ANKZF1: variants seen among roughly 807,000 people sequenced by gnomAD.
ANKZF1 encodes the protein tRNA endonuclease ANKZF1.
ANKZF1 carries 84 observed loss-of-function variants against 86.0 expected under a neutral mutation model. That is an observed-to-expected ratio of 0.98 (90% CI 0.82 to 1.17). The LOEUF is 1.17. Ranked by LOEUF, ANKZF1 falls within the 50% of genes most tolerant of loss-of-function variation. The probability of loss-of-function intolerance (pLI) is 0.00; values close to 1 mark genes in which losing one functional copy is unlikely to be tolerated. For synonymous variants in ANKZF1, 331 were observed against 354.2 expected (o/e 0.93, Z 0.74); for missense variants, 893 against 918.4 (o/e 0.97, Z 0.36).
chr2:219,234,357 C>T, intron 9 of ANKZF1, 69 bp downstream of exon 9: 2 of 1,589,142 alleles, frequency 1.3e-6, no homozygotes, highest in African/African-American at 1.3e-5. Flanking sequence ...AAATTCCCTA[C>T]TCTCATAACT....
rs900918797 is a variant in ANKZF1 at position 219,233,248 on chromosome 2, C to T, written c.672-38C>T. ...AGTGGATCCTGTTAGCCAGGGAGCACCAGCTGGTCTCCAGTACTGAGTCTG... is the reference window on the plus strand; with the variant it reads ...AGTGGATCCTGTTAGCCAGGGAGCATCAGCTGGTCTCCAGTACTGAGTCTG... On this transcript the variant is annotated intron_variant, in intron 6 of 13. Transcript: ENST00000323348. 1.9e-6 allele frequency: 3 copies of T among 1,614,180 alleles called. No homozygotes were observed. In the Admixed American group the frequency reaches 5.0e-5, roughly 27 times the overall value.
At position 219,233,816 on chromosome 2, in the gene ANKZF1, T is replaced by G; in HGVS notation, c.921T>G (p.Phe307Leu). The change falls in exon 8 of 14, where the codon TTT becomes TTG. Residue 307 changes from phenylalanine to leucine, a missense_variant. Transcript: ENST00000323348. ...RAPRSGRSLF[F>L]GGKGAPLQRG... ...CCCGCTCTGGCCGGTCTTTGTTCTTTGGAGGCAAGGGAGCACCCCTGCAAA... is the reference window on the plus strand; with the variant it reads ...CCCGCTCTGGCCGGTCTTTGTTCTTGGGAGGCAAGGGAGCACCCCTGCAAA... The G allele has an allele frequency of 6.2e-7, 1 of 1,614,170 alleles. No individual in the cohort carries two copies. Among genetic ancestry groups the G allele is most frequent in the Non-Finnish European group, 8.5e-7 (1 of 1,180,028 alleles).
intron 13 of ANKZF1, 69 bp downstream of exon 13, chr2:219,236,164 G>A: frequency 1.2e-6 from 2 of 1,602,166 alleles, no homozygotes; most frequent in Non-Finnish European, 1.7e-6. Flanking sequence ...CAAGAGAAAT[G>A]AGTACCTGCA....
chr2:219,233,037 T>C lies in ANKZF1; in HGVS notation c.559-42T>C, dbSNP rs1053609482. The C allele has an allele frequency of 4.5e-6, 7 of 1,568,098 alleles. No homozygotes were observed. In the Middle Eastern group the frequency reaches 6.4e-4, roughly 144 times the overall value. On this transcript the variant is annotated intron_variant, in intron 5 of 13. Coordinates refer to ENST00000323348, the MANE Select transcript of ANKZF1 (RefSeq NM_018089.3). ...TTGGCCCTTAGTTTCTTGCTCTCAG[T>C]GAATGCAACAGATATGTTTCTGATG... is the stretch of plus-strand genomic sequence containing the variant.
At chr2:219,233,660 G>A in intron 7 of ANKZF1, 55 bp from the exon 8 acceptor site, 15 of 1,535,542 alleles carry the variant, frequency 9.8e-6, no homozygotes, top group Non-Finnish European at 1.2e-5. Context: ...TTTTTAGTTG[G>A]AGATTTATAA....
rs745849871 is a variant in ANKZF1 at position 219,233,061 on chromosome 2, T to G, written c.559-18T>G. On this transcript the variant is annotated intron_variant, in intron 5 of 13. Coordinates refer to ENST00000323348, the MANE Select transcript of ANKZF1 (RefSeq NM_018089.3). ...GTGAATGCAACAGATATGTTTCTGATGCTTCTCTGTCATCAAGGATCCCCC... is the reference window on the plus strand; with the variant it reads ...GTGAATGCAACAGATATGTTTCTGAGGCTTCTCTGTCATCAAGGATCCCCC... 1.2e-6 allele frequency: 2 copies of G among 1,606,696 alleles called. No homozygotes were observed. Among genetic ancestry groups the G allele is most frequent in the South Asian group, 2.2e-5 (2 of 90,880 alleles).
At chr2:219,232,466 G>C in intron 4 of ANKZF1, 24 bp from the exon 5 acceptor site, 1 of 1,612,732 alleles carries the variant, frequency 6.2e-7, no homozygotes, top group South Asian at 1.1e-5. Context: ...CCAAACTTGT[G>C]TATCTCATAT....
Position 219,230,286 on chromosome 2 carries a change from C to T in ANKZF1, c.29C>T (p.Ala10Val). 1.2e-6 allele frequency: 2 copies of T among 1,613,964 alleles called. No individual in the cohort carries two copies. The highest frequency in any genetic ancestry group is 2.7e-5 in the African/African-American group (2 of 75,046). Residue 10 changes from alanine to valine, a missense_variant, in exon 2 of 14, where the codon GCT becomes GTT. Transcript: ENST00000323348. MSPAPDAAPAPASISLFDLS... is the reference protein window; with the variant it reads MSPAPDAAPVPASISLFDLS... The stretch of plus-strand genomic sequence containing the variant: ...TCGCCGGCTCCAGATGCAGCCCCGG[C>T]TCCTGCGTCGATCTCCCTGTTTGAC...
At chr2:219,232,210 C>T (rs1314239458) in intron 3 of ANKZF1, 50 bp from the exon 4 acceptor site, 1 of 1,582,648 alleles carries the variant, frequency 6.3e-7, no homozygotes, top group Non-Finnish European at 8.7e-7. Context: ...AGTACAAGGC[C>T]AGGCTGGGGC....
rs1251920055 is a variant in ANKZF1 at position 219,232,001 on chromosome 2, T to C, written c.222T>C (p.Cys74=). The C allele has an allele frequency of 6.2e-7, 1 of 1,613,066 alleles. No homozygotes were observed. Among genetic ancestry groups the C allele is most frequent in the Non-Finnish European group, 8.5e-7 (1 of 1,179,772 alleles). ...TGGATATTTCAGAGAAGTTATTTTG[T>C]TCAACTTGTGACCAGACCTTCCAGA... ...GPMDISEKLF[C]STCDQTFQNH... The change falls in exon 3 of 14, where the codon TGT becomes TGC. Residue 74 remains cysteine (C), a synonymous_variant. Coordinates refer to ENST00000323348, the MANE Select transcript of ANKZF1 (RefSeq NM_018089.3).
At position 219,234,872 on chromosome 2, in the gene ANKZF1, AG is replaced by A; in HGVS notation, c.1252del (p.Val418TrpfsTer3). On this transcript the variant is annotated frameshift_variant, in exon 10 of 14. Transcript: ENST00000323348. LOFTEE classifies it high-confidence loss of function. ...ATGGCTTTCAGGTAGAGTTGGAGCTAGTGGAGTTGACTGTGGGGACTCTGGA... is the reference window on the plus strand; with the variant it reads ...ATGGCTTTCAGGTAGAGTTGGAGCTATGGAGTTGACTGTGGGGACTCTGGA... ...EDGFQVELELVELTVGTLDLC... is the reference protein window; with the variant it reads ...EDGFQVELELXELTVGTLDLC... 1.9e-6 allele frequency: 3 copies of A among 1,614,086 alleles called. No individual in the cohort carries two copies. The highest frequency in any genetic ancestry group is 2.5e-6 in the Non-Finnish European group (3 of 1,179,988).
chr2:219,231,944 A>G lies in ANKZF1; in HGVS notation c.165A>G (p.Glu55=). ...CTTATTTAGGCTCAGGGGAGAGAGA[A>G]AGCCCAGAAAGAAAGCTACTCCAGG... ...RTSCSGSGER[E]SPERKLLQGP... is the part of the protein sequence containing the mutation. The change falls in exon 3 of 14, where the codon GAA becomes GAG. Residue 55 remains glutamate (E), a synonymous_variant. Coordinates refer to ENST00000323348, the MANE Select transcript of ANKZF1 (RefSeq NM_018089.3). 6.2e-7 allele frequency: 1 copy of G among 1,613,984 alleles called. No individual in the cohort carries two copies. The highest frequency in any genetic ancestry group is 8.5e-7 in the Non-Finnish European group (1 of 1,179,958).
In ANKZF1 at chr2:219,236,089, A is replaced by G. The variant is rs1951218303; in HGVS notation, c.2051A>G (p.Asn684Ser). 1.2e-6 allele frequency: 2 copies of G among 1,614,200 alleles called. No individual in the cohort carries two copies. Among genetic ancestry groups the G allele is most frequent in the Non-Finnish European group, 8.5e-7 (1 of 1,180,044 alleles). The change falls in exon 13 of 14, where the codon AAT (asparagine) becomes AGT (serine). Residue 684 changes from asparagine to serine, a missense_variant. Coordinates refer to ENST00000323348, the MANE Select transcript of ANKZF1 (RefSeq NM_018089.3). Reference protein sequence around the residue: ...TSPIPDSAIVNTRRCWSCGAS... With the variant: ...TSPIPDSAIVSTRRCWSCGAS... ...CCAATCCCTGACTCTGCAATCGTCAATACTCGGTATGGGGTGCGGGATGAG... is the reference window on the plus strand; with the variant it reads ...CCAATCCCTGACTCTGCAATCGTCAGTACTCGGTATGGGGTGCGGGATGAG...
chr2:219,230,316 G>A lies in ANKZF1; in HGVS notation c.59G>A (p.Ser20Asn). 1 of 1,614,122 alleles carries A rather than the reference G, an allele frequency of 6.2e-7. No homozygotes were observed. The highest frequency in any genetic ancestry group is 8.5e-7 in the Non-Finnish European group (1 of 1,179,996). Residue 20 changes from serine to asparagine, a missense_variant, in exon 2 of 14, where the codon AGC (serine) becomes AAC (asparagine). Coordinates refer to ENST00000323348, the MANE Select transcript of ANKZF1 (RefSeq NM_018089.3). ...GCGTCGATCTCCCTGTTTGACCTCA[G>A]CGCGGATGCTCCGGTCTTTCAGGGC... is the stretch of plus-strand genomic sequence containing the variant. ...APASISLFDL[S>N]ADAPVFQGLS...
chr2:219,234,453 ATC>A, intron 9 of ANKZF1, 165 bp downstream of exon 9: 1 of 923,050 alleles, frequency 1.1e-6, no homozygotes, highest in Non-Finnish European at 1.7e-6. Context: ...CAAATCTATT[ATC>A]TCTTTTGTTA....
rs1481815017 is a variant in ANKZF1, at chr2:219,229,976, G to A, written c.-31+76G>A. 4 of 324,070 alleles carry A rather than the reference G, an allele frequency of 1.2e-5. No homozygotes were observed. The highest frequency in any genetic ancestry group is 1.1e-4 in the East Asian group (2 of 17,970). 20.1% of individuals were successfully genotyped at this position (324,070 alleles called of 1,614,324 possible). A position where few individuals can be genotyped will look rare whatever the true frequency, so the allele number is the denominator to read the frequency against. On this transcript the variant is annotated intron_variant, in intron 1 of 13. Coordinates refer to ENST00000323348, the MANE Select transcript of ANKZF1 (RefSeq NM_018089.3). This position sits in a 1 kb window ranked among gnomAD's most constrained non-coding sequence, Gnocchi z 4.2. ...TCGCATGGGTAACGAAGAAAGTTCG[G>A]CTAGGCAAGCTCAGTGATTTTTAAC...
chr2:219,233,189 A>G lies in ANKZF1; in HGVS notation c.669A>G (p.Gln223=). ...GGCACTTTGCTGGTGCTATATTTCAAGGGTGAGAGGGTGCTGCATGGGGGT... is the reference window on the plus strand; with the variant it reads ...GGCACTTTGCTGGTGCTATATTTCAGGGGTGAGAGGGTGCTGCATGGGGGT... ...AAGHFAGAIF[Q]GREVVTHKTF... is the part of the protein sequence containing the mutation. Residue 223 remains glutamine, a splice_region_variant and synonymous_variant, in exon 6 of 14, where the codon CAA becomes CAG. Transcript: ENST00000323348. 6.2e-7 allele frequency: 1 copy of G among 1,614,174 alleles called. No individual in the cohort carries two copies. Among genetic ancestry groups the G allele is most frequent in the African/African-American group, 1.3e-5 (1 of 75,040 alleles).
Position 219,235,572 on chromosome 2 carries a change from A to G in ANKZF1, c.1790A>G (p.Tyr597Cys), listed in dbSNP as rs772116461. ...GAGAAGAATCCAGATGCCTACGATT[A>G]CAACAAGGCTCAGGTCATCTGGAAT... ...FMEKNPDAYD[Y>C]NKAQVPGPLT... Residue 597 changes from tyrosine (Y) to cysteine (C), a missense_variant, in exon 11 of 14, where the codon TAC (tyrosine) becomes TGC (cysteine). Coordinates refer to ENST00000323348, the MANE Select transcript of ANKZF1 (RefSeq NM_018089.3). 1.2e-6 allele frequency: 2 copies of G among 1,613,860 alleles called. No homozygotes were observed. Among genetic ancestry groups the G allele is most frequent in the South Asian group, 2.2e-5 (2 of 91,066 alleles).
At position 219,233,492 on chromosome 2, in the gene ANKZF1, C is replaced by T. The variant is rs1951108180; in HGVS notation, c.819+59C>T. 3 of 1,512,354 alleles carry T rather than the reference C, an allele frequency of 2.0e-6. No individual in the cohort carries two copies. In the African/African-American group the frequency reaches 4.2e-5, roughly 21 times the overall value. 93.7% of individuals were successfully genotyped at this position (1,512,354 alleles called of 1,614,324 possible). ...TCCATACTTTTTTTGCATCTCTGTT[C>T]AACTCACTGTTAAGTAGGGAGGTTT... is the stretch of plus-strand genomic sequence containing the variant. On this transcript the variant is annotated intron_variant, in intron 7 of 13. Transcript: ENST00000323348.
Sources: allele counts gnomAD v4.1 joint callset, GRCh38; gene constraint gnomAD v4.1.1; non-coding constraint Gnocchi (gnomAD v3.1); transcripts MANE v1.5; gene names NCBI Gene and HGNC (gene_info 2026-07-23, HGNC 2026-07-21).